DDX6: variants seen among roughly 807,000 people sequenced by gnomAD.
The protein encoded by DDX6 is probable ATP-dependent RNA helicase DDX6.
In DDX6, 7 loss-of-function variants were observed where a neutral mutation model predicts 60.6. The observed-to-expected ratio is 0.12, with a 90% CI of 0.07 to 0.22. DDX6 has a LOEUF of 0.22. Ranked by LOEUF, DDX6 falls within the 10% of genes least tolerant of loss-of-function variation. The probability of loss-of-function intolerance (pLI) is 1.00; values close to 1 mark genes in which losing one functional copy is unlikely to be tolerated. For synonymous variants in DDX6, 207 were observed against 201.0 expected (o/e 1.03, Z -0.25); for missense variants, 270 against 589.9 (o/e 0.46, Z 5.62).
chr11:118,771,208 A>G (rs1555162512), intron 4 of DDX6, among the ~76,000 whole-genome samples: 4 of 152,226 alleles, frequency 2.6e-5, no homozygotes, highest in African/African-American at 7.2e-5. Context: ...TGATGGTCTC[A>G]TAACGACTTG....
Position 118,748,546 on chromosome 11 carries a change from A to G in DDX6, c.*3559T>C, listed in dbSNP as rs1490427277. 6.6e-6 allele frequency: 1 copy of G among 152,188 alleles called. No individual in the cohort carries two copies. The highest frequency in any genetic ancestry group is 1.5e-5 in the Non-Finnish European group (1 of 68,046). The allele number at this position is 152,188 out of a possible 1,614,324, so 9.4% of individuals were successfully genotyped here. Reference sequence around the variant, plus strand: ...CACAATAACAAATTTAAAGATACCTAGAACATTGAAAAAAATAGCAAATTA... The same window carrying G: ...CACAATAACAAATTTAAAGATACCTGGAACATTGAAAAAAATAGCAAATTA... On this transcript the variant is annotated 3_prime_UTR_variant, in exon 14 of 14. Coordinates refer to ENST00000534980, the MANE Select transcript of DDX6 (RefSeq NM_004397.6).
rs1440424852 is a variant in DDX6 at position 118,761,532 on chromosome 11, G to A, written c.742-1488C>T. On this transcript the variant is annotated intron_variant, in intron 7 of 13. Transcript: ENST00000534980. ...TCGGGAGGGCTGAGGCAGGAGAATCGCTTGAACTTGGGAGGTGGAGGTTGC... is the reference window on the plus strand; with the variant it reads ...TCGGGAGGGCTGAGGCAGGAGAATCACTTGAACTTGGGAGGTGGAGGTTGC... 1.7e-4 allele frequency among the ~76,000 whole-genome samples: 26 copies of A among 151,726 alleles called. 1 individual carries two copies. In the Middle Eastern group the frequency reaches 0.017, roughly 101 times the overall value.
chr11:118,755,896 C>A (rs567665081), intron 11 of DDX6, among the ~76,000 whole-genome samples: 11 of 151,840 alleles, frequency 7.2e-5, no homozygotes, highest in Admixed American at 2.0e-4. Flanking sequence ...CAGGCGCCCA[C>A]AATCCCAGCT....
At chr11:118,773,061 T>G (rs1366261195) in intron 4 of DDX6, among the ~76,000 whole-genome samples, 1 of 152,216 alleles carries the variant, frequency 6.6e-6, no homozygotes, top group Non-Finnish European at 1.5e-5. Flanking sequence ...TGAATTCCCG[T>G]TATTTTTCCA....
chr11:118,752,936 A>T (rs1441820797), intron 13 of DDX6, among the ~76,000 whole-genome samples: 1 of 152,200 alleles, frequency 6.6e-6, no homozygotes, highest in Admixed American at 6.5e-5. Flanking sequence ...AAAAATAAAA[A>T]AAAGATGGGA....
chr11:118,754,385 T>A (rs545870363), intron 13 of DDX6, among the ~76,000 whole-genome samples: 5 of 152,120 alleles, frequency 3.3e-5, no homozygotes, highest in Non-Finnish European at 7.3e-5. Context: ...CCAGCCTGGA[T>A]GACAGTGAGA....
intron 4 of DDX6, among the ~76,000 whole-genome samples, chr11:118,776,730 G>A (rs1005378426): frequency 2.6e-5 from 4 of 152,028 alleles, no homozygotes; most frequent in African/African-American, 2.4e-5. Context: ...CTATTCGGGA[G>A]GCTGAGGCAG....
intron 2 of DDX6, among the ~76,000 whole-genome samples, chr11:118,781,432 C>T (rs1565577883): frequency 6.6e-6 from 1 of 151,974 alleles, no homozygotes; most frequent in Non-Finnish European, 1.5e-5. Flanking sequence ...TACAGTGTAA[C>T]TGTTGTCAAA....
At position 118,751,660 on chromosome 11, in the gene DDX6, ATAAG is replaced by A. The variant is rs1233645789; in HGVS notation, c.*441_*444del. 1 of 212,730 alleles carries A rather than the reference ATAAG, an allele frequency of 4.7e-6. No homozygotes were observed. The highest frequency in any genetic ancestry group is 9.7e-6 in the Non-Finnish European group (1 of 103,304). 13.2% of individuals were successfully genotyped at this position (212,730 alleles called of 1,614,324 possible). The stretch of plus-strand genomic sequence containing the variant: ...TCATAGCATAAGGCACTTCGCACAA[ATAAG>A]TAATAAGCTCTTCAGGCTTAAAAAA... On this transcript the variant is annotated 3_prime_UTR_variant, in exon 14 of 14. Transcript: ENST00000534980.
In DDX6 at chr11:118,779,539, G is replaced by T. The variant is rs138372092; in HGVS notation, c.369+93C>A. The T allele has an allele frequency of 2.7e-4, 207 of 758,962 alleles. 2 individuals are homozygous for T. In the African/African-American group the frequency reaches 3.2e-3, roughly 12 times the overall value. 47.0% of individuals were successfully genotyped at this position (758,962 alleles called of 1,614,324 possible). ...AAGTGTGTATACGTGAGAGAGAAAT[G>T]TTAGTTCACTGTATCACTTCTGCAG... is the stretch of plus-strand genomic sequence containing the variant. On this transcript the variant is annotated intron_variant, in intron 4 of 13. Transcript: ENST00000534980.
At chr11:118,776,711 T>C (rs1555163670) in intron 4 of DDX6, among the ~76,000 whole-genome samples, 1 of 151,870 alleles carries the variant, frequency 6.6e-6, no homozygotes, top group Non-Finnish European at 1.5e-5. Flanking sequence ...TGCACGCCTG[T>C]AGTCCCCGCT....
intron 5 of DDX6, among the ~76,000 whole-genome samples, chr11:118,767,199 T>C (rs1434748238): frequency 6.6e-6 from 1 of 152,184 alleles, no homozygotes; most frequent in East Asian, 1.9e-4. Context: ...ATACTGTTCT[T>C]AATTACAAAC....
intron 2 of DDX6, among the ~76,000 whole-genome samples, chr11:118,782,020 C>T (rs1861915950): frequency 6.6e-6 from 1 of 151,962 alleles, no homozygotes; most frequent in Admixed American, 6.6e-5. Context: ...CGAGAGTAGC[C>T]TGGCCAATAC....
intron 2 of DDX6, among the ~76,000 whole-genome samples, chr11:118,783,238 A>G (rs1452762294): frequency 6.6e-6 from 1 of 152,176 alleles, no homozygotes; most frequent in Non-Finnish European, 1.5e-5. Flanking sequence ...GAAAACCAGA[A>G]AAGAAAAATC....
intron 4 of DDX6, among the ~76,000 whole-genome samples, chr11:118,771,000 TA>T (rs1358053426): frequency 6.6e-6 from 1 of 152,230 alleles, no homozygotes; most frequent in African/African-American, 2.4e-5. Flanking sequence ...ACCTTGGCTT[TA>T]ACCCTTTGGT....
At chr11:118,766,741 C>T (rs782811122) in intron 5 of DDX6, among the ~76,000 whole-genome samples, 1 of 151,776 alleles carries the variant, frequency 6.6e-6, no homozygotes, top group Non-Finnish European at 1.5e-5. Context: ...CCACACCCAG[C>T]TAATTTTTTG....
chr11:118,756,045 A>C (rs1860965280), intron 11 of DDX6, among the ~76,000 whole-genome samples: 1 of 133,842 alleles, frequency 7.5e-6, no homozygotes, highest in Non-Finnish European at 1.6e-5. Context: ...AAAGACAGAG[A>C]TGAGGTATGA....
chr11:118,789,462 AT>A (rs1339666664), intron 1 of DDX6: 7 of 152,148 alleles, frequency 4.6e-5, no homozygotes, highest in Non-Finnish European at 8.8e-5. Context: ...GAAACTCAAA[AT>A]TTTAAAGTCA....
At chr11:118,761,456 A>T (rs1202014935) in intron 7 of DDX6, among the ~76,000 whole-genome samples, 1 of 152,062 alleles carries the variant, frequency 6.6e-6, no homozygotes, top group Non-Finnish European at 1.5e-5. Flanking sequence ...GTCTCTGCTA[A>T]AAGTACAAAA....
Sources: allele counts gnomAD v4.1 joint callset (sites outside exome capture counted in the v4.1 genomes callset), GRCh38; gene constraint gnomAD v4.1.1; transcripts MANE v1.5; gene names NCBI Gene and HGNC (gene_info 2026-07-23, HGNC 2026-07-21).